Variants in FAM13B observed in about 807,000 individuals in gnomAD.
The protein encoded by FAM13B is protein FAM13B.
Under a neutral mutation model 117.3 loss-of-function variants are expected in FAM13B, and 60 were observed. The ratio of observed to expected loss-of-function variants is 0.51; its 90% confidence interval spans 0.42 to 0.63. The LOEUF (loss-of-function observed/expected upper bound fraction) is 0.63. FAM13B is among the 30% of genes least tolerant of loss of function. The pLI is 0.00. For missense variants in FAM13B, 972 were observed against 1,091.9 expected (o/e 0.89, Z 1.55); for synonymous variants, 332 against 356.1 (o/e 0.93, Z 0.76).
intron 16 of FAM13B, among the ~76,000 whole-genome samples, chr5:137,952,992 A>T (rs1409739834): frequency 6.6e-6 from 1 of 152,106 alleles, no homozygotes; most frequent in Non-Finnish European, 1.5e-5. Context: ...CCTCCACTCC[A>T]TCCCTCACAA....
chr5:137,946,342 C>CAAAAAAAAA, intron 18 of FAM13B, 31 bp from the exon 19 acceptor site: 1 of 919,182 alleles, frequency 1.1e-6, no homozygotes, highest in Non-Finnish European at 1.5e-6. Flanking sequence ...TAACAAAATA[C>CAAAAAAAAA]AAAAAAAAAA....
chr5:138,048,435 A>G (rs1363648746), intron 1 of FAM13B, among the ~76,000 whole-genome samples: 1 of 152,232 alleles, frequency 6.6e-6, no homozygotes, highest in Non-Finnish European at 1.5e-5. Context: ...GACACAGTAC[A>G]CTAGCCTATA....
At chr5:138,011,995 T>G (rs1279534295) in intron 4 of FAM13B, 50 bp from the exon 5 acceptor site, 1 of 1,373,802 alleles carries the variant, frequency 7.3e-7, no homozygotes, top group African/African-American at 1.5e-5. Flanking sequence ...AAAGCAAAGC[T>G]CTGATATTTT....
At chr5:137,968,784 T>C (rs938053582) in intron 10 of FAM13B, among the ~76,000 whole-genome samples, 2 of 152,216 alleles carry the variant, frequency 1.3e-5, no homozygotes, top group East Asian at 1.9e-4. Flanking sequence ...GGGCGAGGCA[T>C]TGCCTCACTC....
At chr5:137,955,118 T>G (rs189447721) in intron 14 of FAM13B, among the ~76,000 whole-genome samples, 5 of 152,344 alleles carry the variant, frequency 3.3e-5, no homozygotes, top group Admixed American at 2.6e-4. Flanking sequence ...ACTGAACAGT[T>G]CTTTCTTAGA....
chr5:138,012,127 G>C (rs970583705), intron 4 of FAM13B, among the ~76,000 whole-genome samples, 182 bp from the exon 5 acceptor site: 7 of 151,728 alleles, frequency 4.6e-5, no homozygotes, highest in African/African-American at 1.5e-4. Flanking sequence ...ATGGAGAAGA[G>C]GTGGAGAAGA....
rs1021245246 is a variant in FAM13B at position 138,033,078 on chromosome 5, C to G, written c.-499G>C. ...CTAACGGCGAGCGGGAGGAGAGCGG[C>G]TGGCGGGCGGAGGCCGGGCCGGACG... is the stretch of plus-strand genomic sequence containing the variant. On this transcript the variant is annotated 5_prime_UTR_variant, in exon 1 of 24. Coordinates refer to ENST00000689681, the MANE Select transcript of FAM13B (RefSeq NM_001385994.1). 1 of 976,366 alleles carries G rather than the reference C, an allele frequency of 1.0e-6. No homozygotes were observed. Among genetic ancestry groups the G allele is most frequent in the Non-Finnish European group, 1.2e-6 (1 of 827,332 alleles). The allele number at this position is 976,366 out of a possible 1,614,324, so 60.5% of individuals were successfully genotyped here.
intron 1 of FAM13B, among the ~76,000 whole-genome samples, chr5:138,030,981 C>T (rs1789810674): frequency 6.6e-6 from 1 of 151,210 alleles, no homozygotes; most frequent in Non-Finnish European, 1.5e-5. Flanking sequence ...TGCAGTCAGC[C>T]GAGATTGCAC....
At chr5:138,024,470 T>A (rs1303719804) in intron 1 of FAM13B, among the ~76,000 whole-genome samples, 2 of 151,544 alleles carry the variant, frequency 1.3e-5, no homozygotes, top group Non-Finnish European at 2.9e-5. Context: ...TCTACCCTCC[T>A]CAACTGTGAG....
Position 138,040,351 on chromosome 5 carries a change from C to T in FAM13B, c.-203+11527G>A, listed in dbSNP as rs527841149. Among the ~76,000 whole-genome samples, 16 of 149,232 alleles carry T rather than the reference C, an allele frequency of 1.1e-4. No individual in the cohort carries two copies. The South Asian group carries it at 3.2e-3, about 30-fold the overall frequency. On this transcript the variant is annotated intron_variant, in intron 1 of 3. Coordinates refer to the FAM13B transcript ENST00000502471. ...TTGGGAGGCCGAGGCGGGCCGATCA[C>T]AAGGTCAGGAATTCCAGACCAGCCT... is the stretch of plus-strand genomic sequence containing the variant.
At chr5:138,032,743 C>T in intron 1 of FAM13B, 39 bp downstream of exon 1, 1 of 985,660 alleles carries the variant, frequency 1.0e-6, no homozygotes, top group Non-Finnish European at 1.2e-6. Context: ...ACCTGCAACC[C>T]GCGCATGCGC....
chr5:137,951,573 CA>C (rs1385312870), intron 17 of FAM13B, among the ~76,000 whole-genome samples: 1 of 152,088 alleles, frequency 6.6e-6, no homozygotes, highest in Non-Finnish European at 1.5e-5. Context: ...GTGGAAGGAT[CA>C]CTTGAGCTCA....
Position 137,939,992 on chromosome 5 carries a change from T to C in FAM13B, c.*233A>G, listed in dbSNP as rs1761159438. On this transcript the variant is annotated 3_prime_UTR_variant, in exon 24 of 24. Transcript: ENST00000689681. ...CAAAACAATGAAGTAAACCATATGT[T>C]TGCTAAAGGTGGAGAGGACAGTCTG... 1.3e-6 allele frequency: 2 copies of C among 1,576,594 alleles called. No individual in the cohort carries two copies. Among genetic ancestry groups the C allele is most frequent in the East Asian group, 4.5e-5 (2 of 44,238 alleles).
At chr5:137,992,759 G>C (rs1296552486) in intron 7 of FAM13B, among the ~76,000 whole-genome samples, 1 of 152,186 alleles carries the variant, frequency 6.6e-6, no homozygotes, top group African/African-American at 2.4e-5. Flanking sequence ...GCAAGGATGT[G>C]AAACAACTGT....
intron 7 of FAM13B, among the ~76,000 whole-genome samples, chr5:137,993,386 AGG>A (rs561412172): frequency 4.2e-4 from 64 of 152,248 alleles, no homozygotes; most frequent in African/African-American, 1.5e-3. Flanking sequence ...CCAGCACTTC[AGG>A]AGGCCAGGGC....
chr5:137,999,450 C>A (rs1327350469), intron 7 of FAM13B, among the ~76,000 whole-genome samples: 3 of 151,978 alleles, frequency 2.0e-5, no homozygotes, highest in Non-Finnish European at 4.4e-5. Context: ...GTGGCACGCA[C>A]CTGTAGTCCC....
At chr5:137,946,446 C>G (rs928427957) in intron 18 of FAM13B, 135 bp from the exon 19 acceptor site, 4 of 603,410 alleles carry the variant, frequency 6.6e-6, no homozygotes, top group Non-Finnish European at 1.1e-5. Context: ...GATCAACAGT[C>G]TAGCCCAGGC....
chr5:137,956,551 A>G lies in FAM13B; in HGVS notation c.1442-9T>C, dbSNP rs1273261264. ...AGTGATAGGGCATGACGCTAATAAA[A>G]TGGAAAAAATGGCAAAAAATACTAA... On this transcript the variant is annotated splice_polypyrimidine_tract_variant and intron_variant, in intron 13 of 23. Coordinates refer to ENST00000689681, the MANE Select transcript of FAM13B (RefSeq NM_001385994.1). The G allele has an allele frequency of 1.3e-6, 2 of 1,578,004 alleles. No individual in the cohort carries two copies. The highest frequency in any genetic ancestry group is 1.7e-6 in the Non-Finnish European group (2 of 1,160,012).
intron 4 of FAM13B, among the ~76,000 whole-genome samples, chr5:138,016,238 A>G (rs1313121084): frequency 3.9e-5 from 6 of 152,234 alleles, no homozygotes; most frequent in Non-Finnish European, 7.3e-5. Flanking sequence ...ATTGGTTTAC[A>G]ATTTATGACC....
Sources: allele counts gnomAD v4.1 joint callset (sites outside exome capture counted in the v4.1 genomes callset), GRCh38; gene constraint gnomAD v4.1.1; transcripts MANE v1.5; gene names NCBI Gene and HGNC (gene_info 2026-07-23, HGNC 2026-07-21).